Variants in PTK2 observed in about 807,000 individuals in gnomAD.
PTK2 encodes the protein protein tyrosine kinase 2, also known as focal adhesion kinase 1.
PTK2 carries 45 observed loss-of-function variants against 150.1 expected under a neutral mutation model. That is an observed-to-expected ratio of 0.30 (90% CI 0.24 to 0.38). The LOEUF is 0.38. PTK2 is among the 10% of genes least tolerant of loss of function. The probability of loss-of-function intolerance (pLI) is 1.00; values close to 1 mark genes in which losing one functional copy is unlikely to be tolerated. For synonymous variants in PTK2, 432 were observed against 449.2 expected (o/e 0.96, Z 0.48); for missense variants, 919 against 1,307.3 (o/e 0.70, Z 4.58).
exon 4 of PTK2, chr8:140,879,540 A>T: frequency 6.2e-7 from 1 of 1,614,064 alleles, no homozygotes; most frequent in Non-Finnish European, 8.5e-7. Context: ...ATCCACGTGA[A>T]GCCAGTGAAC....
intron 27 of PTK2, among the ~76,000 whole-genome samples, chr8:140,678,881 G>A (rs1039589643): frequency 6.6e-6 from 1 of 151,630 alleles, no homozygotes; most frequent in East Asian, 1.9e-4. Context: ...TACTGGCTGT[G>A]CTGTACTCAC....
At chr8:140,841,608 G>C (rs1319801362) in intron 7 of PTK2, among the ~76,000 whole-genome samples, 3 of 151,866 alleles carry the variant, frequency 2.0e-5, no homozygotes, top group Non-Finnish European at 2.9e-5. Flanking sequence ...ATTAAAGAAA[G>C]ACAAACTTCT....
At chr8:140,829,171 A>G (rs1229620549) in intron 8 of PTK2, among the ~76,000 whole-genome samples, 2 of 152,244 alleles carry the variant, frequency 1.3e-5, no homozygotes, top group Non-Finnish European at 2.9e-5. Context: ...TTCCTGTACT[A>G]TTCTTAAATG....
intron 2 of PTK2, among the ~76,000 whole-genome samples, chr8:140,923,545 A>G: frequency 6.6e-6 from 1 of 152,358 alleles, no homozygotes; most frequent in Non-Finnish European, 1.5e-5. Context: ...TATTAAAGAC[A>G]AACTATGCTT....
rs1336691006 is a variant in PTK2, at chr8:140,862,851, C to T, written c.450+1461G>A. 3.3e-5 allele frequency among the ~76,000 whole-genome samples: 5 copies of T among 152,258 alleles called. No individual in the cohort carries two copies. The South Asian group carries it at 1.0e-3, about 32-fold the overall frequency. ...TCCCCCACACCCCACCCTGCCACAC[C>T]CTGTGGCCCTGGTCTGTAGAAAAAC... is the stretch of plus-strand genomic sequence containing the variant. On this transcript the variant is annotated intron_variant, in intron 5 of 31. Coordinates refer to ENST00000522684, the Ensembl canonical transcript of PTK2.
At chr8:140,878,939 A>T (rs1167788538) in intron 4 of PTK2, among the ~76,000 whole-genome samples, 1 of 152,140 alleles carries the variant, frequency 6.6e-6, no homozygotes, top group Non-Finnish European at 1.5e-5. Context: ...ATTTTCCTTA[A>T]CATTTCAACA....
At chr8:140,663,578 T>C (rs1421321447) in intron 31 of PTK2, among the ~76,000 whole-genome samples, 3 of 152,232 alleles carry the variant, frequency 2.0e-5, no homozygotes, top group Non-Finnish European at 2.9e-5. Flanking sequence ...AGGTGCTTCC[T>C]TTCATTTGTT....
chr8:140,877,628 A>C (rs994600097), intron 4 of PTK2, among the ~76,000 whole-genome samples: 2 of 152,186 alleles, frequency 1.3e-5, no homozygotes, highest in Middle Eastern at 3.4e-3. Context: ...TGGCTCAGCC[A>C]CTTATGACGA....
chr8:140,965,820 T>C (rs2154609508), intron 1 of PTK2, among the ~76,000 whole-genome samples: 1 of 152,318 alleles, frequency 6.6e-6, no homozygotes, highest in South Asian at 2.1e-4. Flanking sequence ...GGGGTTGCAG[T>C]GAGCCAAGAA....
chr8:140,974,781 A>G (rs1454195267), intron 1 of PTK2, among the ~76,000 whole-genome samples: 1 of 152,228 alleles, frequency 6.6e-6, no homozygotes, highest in Non-Finnish European at 1.5e-5. Context: ...GCTCACATAC[A>G]CACACAATTC....
chr8:140,708,125 A>G (rs1320863361), intron 23 of PTK2, among the ~76,000 whole-genome samples: 1 of 152,244 alleles, frequency 6.6e-6, no homozygotes, highest in Non-Finnish European at 1.5e-5. Context: ...GTGGAAACCC[A>G]TTACTGTCTA....
chr8:140,889,667 T>C (rs2100153581), intron 3 of PTK2, among the ~76,000 whole-genome samples: 1 of 151,108 alleles, frequency 6.6e-6, no homozygotes, highest in Non-Finnish European at 1.5e-5. Context: ...AAAAAAGACG[T>C]ATCTAAACTT....
intron 20 of PTK2, 70 bp downstream of exon 23, chr8:140,743,158 TAG>T: frequency 9.7e-7 from 1 of 1,035,900 alleles, no homozygotes; most frequent in East Asian, 2.4e-5. Context: ...GTGAGCATAT[TAG>T]AACATACTGT....
At chr8:141,001,758 C>T (rs1458559307), upstream of PTK2, among the ~76,000 whole-genome samples, 1 of 152,204 alleles carries the variant, frequency 6.6e-6, no homozygotes, top group Non-Finnish European at 1.5e-5. Flanking sequence ...CCGCTGCGGG[C>T]CCCGGGCCTT....
chr8:140,952,307 C>G lies in PTK2; in HGVS notation c.-121-26558G>C, dbSNP rs573470041. Among the ~76,000 whole-genome samples, 4 of 152,078 alleles carry G rather than the reference C, an allele frequency of 2.6e-5. No individual in the cohort carries two copies. The South Asian group carries it at 8.3e-4, about 32-fold the overall frequency. On this transcript the variant is annotated intron_variant, in intron 1 of 31. Coordinates refer to ENST00000522684, the Ensembl canonical transcript of PTK2. The stretch of plus-strand genomic sequence containing the variant: ...TATAGGAAGAAAGGTACAATATGGA[C>G]GGGGGAAGGAAATAGGGGAACACAA...
intron 3 of PTK2, among the ~76,000 whole-genome samples, chr8:140,880,482 G>T (rs900818732): frequency 2.6e-5 from 4 of 152,166 alleles, no homozygotes; most frequent in Non-Finnish European, 4.4e-5. Flanking sequence ...AGAACCATTT[G>T]CTGTCCTTTA....
At chr8:140,740,052 C>T (rs2100054833) in intron 20 of PTK2, among the ~76,000 whole-genome samples, 1 of 152,198 alleles carries the variant, frequency 6.6e-6, no homozygotes, top group African/African-American at 2.4e-5. Flanking sequence ...ATAAGAAGGA[C>T]TTCTCTAGGG....
chr8:140,915,021 G>A (rs370536547), intron 2 of PTK2, among the ~76,000 whole-genome samples: 2 of 63,976 alleles, frequency 3.1e-5, no homozygotes, highest in Admixed American at 2.7e-4. Context: ...CAACAAGAAC[G>A]AAACTCCAAC....
intron 2 of PTK2, among the ~76,000 whole-genome samples, chr8:140,917,409 G>T (rs1318400351): frequency 6.6e-6 from 1 of 151,088 alleles, no homozygotes; most frequent in African/African-American, 2.4e-5. Context: ...GAGAGGAGAG[G>T]AAAAAGGAAA....
Sources: allele counts gnomAD v4.1 joint callset (sites outside exome capture counted in the v4.1 genomes callset), GRCh38; gene constraint gnomAD v4.1.1; transcripts MANE v1.5; gene names NCBI Gene and HGNC (gene_info 2026-07-23, HGNC 2026-07-21).